The following FAR1 variants were observed in gnomAD, a reference collection of about 807,000 sequenced individuals.
FAR1 encodes the protein fatty acyl-CoA reductase 1.
Under a neutral mutation model 61.1 loss-of-function variants are expected in FAR1, and 22 were observed. The observed-to-expected ratio is 0.36, with a 90% confidence interval of 0.26 to 0.51. The LOEUF (loss-of-function observed/expected upper bound fraction) is 0.51, where lower values mean the gene tolerates loss of function less well. Ranked by LOEUF, FAR1 falls within the 20% of genes least tolerant of loss-of-function variation. The pLI, the probability that FAR1 is intolerant of heterozygous loss-of-function variation, is 0.95. For missense variants in FAR1, 359 were observed against 626.9 expected, an observed-to-expected ratio of 0.57 and a Z score of 4.56; for synonymous variants, 206 against 209.7, an observed-to-expected ratio of 0.98 and a Z score of 0.15.
chr11:13,708,014 C>T lies in FAR1; in HGVS notation c.480C>T (p.Arg160=). ...HVSTAYAYCN[R]KHIDEVVYPP... ...CAACAGCATATGCCTACTGTAATCGCAAGCATATTGATGAAGTAGTCTATC... is the reference window on the plus strand; with the variant it reads ...CAACAGCATATGCCTACTGTAATCGTAAGCATATTGATGAAGTAGTCTATC... Residue 160 remains arginine, a synonymous_variant, in exon 4 of 12, where the codon CGC becomes CGT. Transcript: ENST00000354817. 1 of 1,608,800 alleles carries T rather than the reference C, an allele frequency of 6.2e-7. No homozygotes were observed. The highest frequency in any genetic ancestry group is 2.2e-5 in the East Asian group (1 of 44,628).
intron 1 of FAR1, among the ~76,000 whole-genome samples, chr11:13,677,573 G>T (rs971008103): frequency 1.2e-4 from 18 of 152,294 alleles, no homozygotes; most frequent in African/African-American, 3.4e-4. Flanking sequence ...CTGCTTACAT[G>T]ACTGATCCCG....
chr11:13,718,330 T>A (rs1848575698), intron 9 of FAR1, among the ~76,000 whole-genome samples: 1 of 152,222 alleles, frequency 6.6e-6, no homozygotes. Context: ...TTTAAGATCA[T>A]CTTTGTCCTC....
intron 3 of FAR1, among the ~76,000 whole-genome samples, chr11:13,707,403 T>A (rs940165722): frequency 6.6e-5 from 10 of 152,286 alleles, no homozygotes; most frequent in African/African-American, 1.7e-4. Flanking sequence ...AATAAACATC[T>A]TCTTTCTTGA....
intron 3 of FAR1, among the ~76,000 whole-genome samples, chr11:13,702,722 T>C (rs1041149808): frequency 2.6e-5 from 4 of 152,202 alleles, no homozygotes; most frequent in Admixed American, 6.5e-5. Flanking sequence ...TACGTAGATA[T>C]TGGCTAATGG....
chr11:13,709,756 C>T (rs1041949684), intron 4 of FAR1, among the ~76,000 whole-genome samples: 1 of 151,958 alleles, frequency 6.6e-6, no homozygotes, highest in African/African-American at 2.4e-5. Context: ...AAAGTACTTC[C>T]ATATACAGAA....
In FAR1 at chr11:13,721,998, C is replaced by A; in HGVS notation, c.1257+139C>A. The A allele has an allele frequency of 1.5e-6, 1 of 655,944 alleles. No homozygotes were observed. The highest frequency in any genetic ancestry group is 2.4e-6 in the Non-Finnish European group (1 of 424,026). 40.6% of individuals were successfully genotyped at this position (655,944 alleles called of 1,614,324 possible). A position where few individuals can be genotyped will look rare whatever the true frequency, so the allele number is the denominator to read the frequency against. ...TTATAGTCTCTCATAAAGCTTTAGT[C>A]ATAATTGTTAGTGGTGAAATAAAAT... On this transcript the variant is annotated intron_variant, in intron 10 of 11. Transcript: ENST00000354817. The surrounding 1 kb of genome is among the most constrained non-coding windows in gnomAD (Gnocchi z 4.2).
chr11:13,697,141 A>C (rs1228651868), intron 2 of FAR1, among the ~76,000 whole-genome samples: 5 of 152,008 alleles, frequency 3.3e-5, no homozygotes, highest in African/African-American at 1.2e-4. Context: ...CAGAAACTCC[A>C]TTGGGTGATG....
At chr11:13,728,478 C>T in intron 11 of FAR1, 134 bp from the exon 12 acceptor site, 1 of 764,828 alleles carries the variant, frequency 1.3e-6, no homozygotes, top group East Asian at 2.6e-5. Flanking sequence ...CTACAGTATA[C>T]TTAATGCCTA....
At chr11:13,678,718 G>A (rs1376697403) in intron 1 of FAR1, among the ~76,000 whole-genome samples, 2 of 141,712 alleles carry the variant, frequency 1.4e-5, no homozygotes, top group African/African-American at 5.1e-5. Context: ...ATAGAATTTA[G>A]TGGGTCTTTT....
At chr11:13,728,088 C>CA (rs1848684998) in intron 11 of FAR1, among the ~76,000 whole-genome samples, 3 of 151,758 alleles carry the variant, frequency 2.0e-5, no homozygotes, top group African/African-American at 4.8e-5. Context: ...CTGCTGAGGT[C>CA]AGTATAATTT....
intron 4 of FAR1, 121 bp from the exon 5 acceptor site, chr11:13,710,572 A>C (rs1266893034): frequency 1.3e-6 from 1 of 789,198 alleles, no homozygotes; most frequent in African/African-American, 1.8e-5. Context: ...TTTCAGTAAA[A>C]GTTGTCAAAT....
At chr11:13,709,645 C>T (rs1848476257) in intron 4 of FAR1, among the ~76,000 whole-genome samples, 1 of 151,924 alleles carries the variant, frequency 6.6e-6, no homozygotes, top group Non-Finnish European at 1.5e-5. Context: ...TATCAACTAT[C>T]CCTTTCATTT....
Position 13,710,673 on chromosome 11 carries a change from G to C in FAR1, c.546-20G>C. On this transcript the variant is annotated intron_variant, in intron 4 of 11. Coordinates refer to ENST00000354817, the MANE Select transcript of FAR1 (RefSeq NM_032228.6). ...TAGTAAAATATCTGGAAATATATTT[G>C]TATGCAATTTCTTTACCAGGTGGAT... The C allele has an allele frequency of 6.5e-7, 1 of 1,548,268 alleles. No individual in the cohort carries two copies. The highest frequency in any genetic ancestry group is 8.7e-7 in the Non-Finnish European group (1 of 1,155,264).
At chr11:13,706,041 T>C (rs1310162119) in intron 3 of FAR1, among the ~76,000 whole-genome samples, 1 of 152,198 alleles carries the variant, frequency 6.6e-6, no homozygotes, top group Non-Finnish European at 1.5e-5. Context: ...TCTTAAATAC[T>C]GAAAATATAA....
chr11:13,670,397 G>C (rs868419995), intron 1 of FAR1, among the ~76,000 whole-genome samples: 1 of 152,132 alleles, frequency 6.6e-6, no homozygotes. Context: ...CAAGTGATCA[G>C]CTCTTGCCTC....
chr11:13,688,663 AAAAT>A (rs1414567731), intron 1 of FAR1, among the ~76,000 whole-genome samples: 1 of 152,168 alleles, frequency 6.6e-6, no homozygotes, highest in East Asian at 1.9e-4. Flanking sequence ...ACATAAGAAA[AAAAT>A]AAAGCTCAAA....
In FAR1 at chr11:13,701,897, C is replaced by G. The variant is rs531088975; in HGVS notation, c.365+1405C>G. Reference sequence around the variant, plus strand: ...AGCTTTGGAATTACATACATTAGTTCTAATCTTGACCATATCATTCATTTA... The same window carrying G: ...AGCTTTGGAATTACATACATTAGTTGTAATCTTGACCATATCATTCATTTA... On this transcript the variant is annotated intron_variant, in intron 3 of 11. Transcript: ENST00000354817. 7.9e-5 allele frequency among the ~76,000 whole-genome samples: 12 copies of G among 152,270 alleles called. No homozygotes were observed. The South Asian group carries it at 2.3e-3, about 29-fold the overall frequency.
Position 13,674,177 on chromosome 11 carries a change from C to T in FAR1, c.-8+5371C>T, listed in dbSNP as rs567170526. Among the ~76,000 whole-genome samples, 669 of 151,856 alleles carry T rather than the reference C, an allele frequency of 4.4e-3. 2 individuals are homozygous for T. The highest frequency in any genetic ancestry group is 6.3e-3 in the Non-Finnish European group (431 of 67,920). On this transcript the variant is annotated intron_variant, in intron 1 of 11. Coordinates refer to ENST00000354817, the MANE Select transcript of FAR1 (RefSeq NM_032228.6). ...TACAAAAATTAGCCGGGCGTGGTGG[C>T]GCCCACCTGTAGTCCCAGCTACTCG...
chr11:13,728,964 T>C lies in FAR1; in HGVS notation c.*190T>C. 1 of 491,754 alleles carries C rather than the reference T, an allele frequency of 2.0e-6. No individual in the cohort carries two copies. The highest frequency in any genetic ancestry group is 2.9e-5 in the South Asian group (1 of 34,354). 30.5% of individuals were successfully genotyped at this position (491,754 alleles called of 1,614,324 possible). On this transcript the variant is annotated 3_prime_UTR_variant, in exon 12 of 12. Transcript: ENST00000354817. ...CATAAAACTTAGTGAACACACTGTG[T>C]TATGCCAGCTCAAATCTACAGTAGC... is the stretch of plus-strand genomic sequence containing the variant.
Sources: allele counts gnomAD v4.1 joint callset (sites outside exome capture counted in the v4.1 genomes callset), GRCh38; gene constraint gnomAD v4.1.1; non-coding constraint Gnocchi (gnomAD v3.1); transcripts MANE v1.5; gene names NCBI Gene and HGNC (gene_info 2026-07-23, HGNC 2026-07-21).